The following SRSF2 variants were observed in gnomAD, a reference collection of about 807,000 sequenced individuals.
The protein encoded by SRSF2 is serine and arginine rich splicing factor 2, also known as serine/arginine-rich splicing factor 2.
In SRSF2, 4 loss-of-function variants were observed where a neutral mutation model predicts 15.7. The observed-to-expected ratio is 0.26, with a 90% CI of 0.13 to 0.58. SRSF2 has a LOEUF of 0.58. SRSF2 is among the 20% of genes least tolerant of loss of function. SRSF2 has a pLI of 0.90. For synonymous variants in SRSF2, 192 were observed against 138.9 expected (o/e 1.38, Z -2.69); for missense variants, 147 against 332.4 (o/e 0.44, Z 4.34).
intron 2 of SRSF2, chr17:76,735,416 G>T: frequency 4.5e-6 from 1 of 221,706 alleles, no homozygotes; most frequent in East Asian, 6.6e-5. Context: ...AAAAAAAAAA[G>T]GGCTGTATCC....
At position 76,736,987 on chromosome 17, in the gene SRSF2, G is replaced by A. The variant is rs779792829; in HGVS notation, c.174C>T (p.Ala58=). The A allele has an allele frequency of 8.7e-6, 14 of 1,613,450 alleles. No homozygotes were observed. Among genetic ancestry groups the A allele is most frequent in the South Asian group, 2.2e-5 (2 of 91,086 alleles). ...CGCGCTTGTCGTGAAAGCGAACGAA[G>A]GCGAAGCCGCGGGACTCCTTGGTGT... is the stretch of plus-strand genomic sequence containing the variant. ...DRYTKESRGF[A]FVRFHDKRDA... Residue 58 remains alanine, a synonymous_variant, in exon 1 of 3, where the codon GCC becomes GCT. Transcript: ENST00000359995.
chr17:76,735,719 G>T, intron 2 of SRSF2: 3 of 322,436 alleles, frequency 9.3e-6, no homozygotes, highest in Non-Finnish European at 1.8e-5. Context: ...AACAATAGTT[G>T]AACTGATTGT....
chr17:76,736,356 A>T lies in SRSF2; in HGVS notation c.471T>A (p.Ser157=), dbSNP rs775473667. ...CGGATCTGGACTTGGAGGTCGACCG[A>T]GATCGAGAACGAGTGCGGGACCGAG... is the stretch of plus-strand genomic sequence containing the variant. ...SKSRSRTRSR[S]RSTSKSRSAR... Residue 157 remains serine (S), a synonymous_variant, in exon 2 of 3, where the codon TCT becomes TCA. Transcript: ENST00000359995. The T allele has an allele frequency of 3.7e-6, 6 of 1,614,120 alleles. No homozygotes were observed. The highest frequency in any genetic ancestry group is 2.2e-5 in the South Asian group (2 of 91,070).
chr17:76,737,346 C>A (rs1031286974), upstream of SRSF2: 1 of 733,402 alleles, frequency 1.4e-6, no homozygotes, highest in South Asian at 2.3e-5. Context: ...GGGCAGCCGG[C>A]CTCTGCGCCC....
In SRSF2 at chr17:76,736,308, G is replaced by A. The variant is rs2143926653; in HGVS notation, c.519C>T (p.Ser173=). 6.2e-7 allele frequency: 1 copy of A among 1,613,960 alleles called. No individual in the cohort carries two copies. Among genetic ancestry groups the A allele is most frequent in the Non-Finnish European group, 8.5e-7 (1 of 1,179,870 alleles). ...GCGAACGAGATCTGGAGACCGACGA[G>A]GACTTGGACTTGGACCTTCGTGCGG... ...SRSARRSKSK[S]SSVSRSRSRS... Residue 173 remains serine, a synonymous_variant, in exon 2 of 3, where the codon TCC becomes TCT. Coordinates refer to ENST00000359995, the MANE Select transcript of SRSF2 (RefSeq NM_001195427.2).
chr17:76,737,213 C>A lies in SRSF2; in HGVS notation c.-53G>T. On this transcript the variant is annotated 5_prime_UTR_variant, in exon 1 of 3. Coordinates refer to ENST00000359995, the MANE Select transcript of SRSF2 (RefSeq NM_001195427.2). The stretch of plus-strand genomic sequence containing the variant: ...CGAACTGGCGCCGGCTTCCTCAGCT[C>A]TGGGCGGTGCGACGCCGCGCCTCTC... The A allele has an allele frequency of 6.8e-7, 1 of 1,479,732 alleles. No homozygotes were observed. Among genetic ancestry groups the A allele is most frequent in the Non-Finnish European group, 9.0e-7 (1 of 1,109,404 alleles). 91.7% of individuals were successfully genotyped at this position (1,479,732 alleles called of 1,614,324 possible).
chr17:76,737,404 A>T (rs1381906673), upstream of SRSF2: 6 of 483,138 alleles, frequency 1.2e-5, no homozygotes, highest in Non-Finnish European at 1.8e-5. Context: ...CCGGAAATGA[A>T]ACCTTCTGAT....
rs914394626 is a variant in SRSF2 at position 76,737,284 on chromosome 17, A to G, written c.-124T>C. ...GGGACACTGGGAAAGGCCTTGCCGC[A>G]GAACAGCACGGACGGGCTCCGCAGG... On this transcript the variant is annotated 5_prime_UTR_variant, in exon 1 of 3. Transcript: ENST00000359995. The G allele has an allele frequency of 4.1e-5, 54 of 1,332,994 alleles. No homozygotes were observed. Among genetic ancestry groups the G allele is most frequent in the Non-Finnish European group, 5.4e-5 (54 of 1,001,608 alleles). 82.6% of individuals were successfully genotyped at this position (1,332,994 alleles called of 1,614,324 possible).
chr17:76,737,183 C>A lies in SRSF2; in HGVS notation c.-23G>T, dbSNP rs750428784. The A allele has an allele frequency of 1.3e-6, 2 of 1,526,242 alleles. No individual in the cohort carries two copies. The highest frequency in any genetic ancestry group is 2.7e-5 in the African/African-American group (2 of 72,758). 94.5% of individuals were successfully genotyped at this position (1,526,242 alleles called of 1,614,324 possible). On this transcript the variant is annotated 5_prime_UTR_variant, in exon 1 of 3. Transcript: ENST00000359995. ...CATAGCTCTGAGTGGCGGCCCGGAGCCCCGCGAACTGGCGCCGGCTTCCTC... is the reference window on the plus strand; with the variant it reads ...CATAGCTCTGAGTGGCGGCCCGGAGACCCGCGAACTGGCGCCGGCTTCCTC...
At position 76,736,963 on chromosome 17, in the gene SRSF2, G is replaced by A. The variant is rs1598434003; in HGVS notation, c.198C>T (p.Arg66=). Residue 66 remains arginine (R), a synonymous_variant, in exon 1 of 3, where the codon CGC becomes CGT. Transcript: ENST00000359995. ...TGGCATCCATAGCGTCCTCAGCGTC[G>A]CGCTTGTCGTGAAAGCGAACGAAGG... The part of the protein sequence containing the change: ...GFAFVRFHDK[R]DAEDAMDAMD... 6.2e-7 allele frequency: 1 copy of A among 1,613,524 alleles called. No individual in the cohort carries two copies. Among genetic ancestry groups the A allele is most frequent in the Non-Finnish European group, 8.5e-7 (1 of 1,179,960 alleles).
rs1598421647 is a variant in SRSF2, at chr17:76,734,647, A to G, written c.*519T>C. ...CAAAAAATCAAGTCTTTTCACCTGAAAAGTCTTTATACAAATTTGGGTTCA... is the reference window on the plus strand; with the variant it reads ...CAAAAAATCAAGTCTTTTCACCTGAGAAGTCTTTATACAAATTTGGGTTCA... On this transcript the variant is annotated 3_prime_UTR_variant, in exon 3 of 3. Transcript: ENST00000359995. 1 of 229,634 alleles carries G rather than the reference A, an allele frequency of 4.4e-6. No individual in the cohort carries two copies. The highest frequency in any genetic ancestry group is 2.2e-5 in the African/African-American group (1 of 44,928). The allele number at this position is 229,634 out of a possible 1,614,324, so 14.2% of individuals were successfully genotyped here. A position where few individuals can be genotyped will look rare whatever the true frequency, so the allele number is the denominator to read the frequency against.
rs2143920577 is a variant in SRSF2 at position 76,736,165 on chromosome 17, G to A, written c.662C>T (p.Ser221Phe). Residue 221 changes from serine to phenylalanine, a missense_variant, in exon 2 of 3, where the codon TCT becomes TTT. This residue lies in a region of SRSF2 where 125 missense variants were observed against 185.1 expected (regional missense o/e 0.68). Coordinates refer to ENST00000359995, the MANE Select transcript of SRSF2 (RefSeq NM_001195427.2). ...KSPEEEGAVSS is the reference protein window; with the variant it reads ...KSPEEEGAVSF ...TTCCCAGACATTACCATTTTCTTAA[G>A]AGGACACCGCTCCTTCCTCTTCAGG... The A allele has an allele frequency of 2.5e-6, 4 of 1,600,558 alleles. No individual in the cohort carries two copies. The highest frequency in any genetic ancestry group is 2.2e-5 in the East Asian group (1 of 44,646).
In SRSF2 at chr17:76,736,474, G is replaced by C. The variant is rs1455122729; in HGVS notation, c.363-10C>G. The stretch of plus-strand genomic sequence containing the variant: ...GCGACGCCGCCTAGGGCTGCGGGCG[G>C]GACGAGCAAGCACAGCGGGGTTAAT... On this transcript the variant is annotated splice_polypyrimidine_tract_variant and intron_variant, in intron 1 of 2. Coordinates refer to ENST00000359995, the MANE Select transcript of SRSF2 (RefSeq NM_001195427.2). 4.4e-6 allele frequency: 7 copies of C among 1,608,854 alleles called. No homozygotes were observed. The highest frequency in any genetic ancestry group is 5.9e-6 in the Non-Finnish European group (7 of 1,179,808).
rs768004549 is a variant in SRSF2, at chr17:76,736,488, A to G, written c.363-24T>C. 1.9e-6 allele frequency: 3 copies of G among 1,604,228 alleles called. No homozygotes were observed. In the South Asian group the frequency reaches 3.3e-5, roughly 18 times the overall value. ...GGCTGCGGGCGGGACGAGCAAGCACAGCGGGGTTAATTCCAGGCAGCGGGG... is the reference window on the plus strand; with the variant it reads ...GGCTGCGGGCGGGACGAGCAAGCACGGCGGGGTTAATTCCAGGCAGCGGGG... On this transcript the variant is annotated intron_variant, in intron 1 of 2. Coordinates refer to ENST00000359995, the MANE Select transcript of SRSF2 (RefSeq NM_001195427.2).
chr17:76,734,648 A>G lies in SRSF2; in HGVS notation c.*518T>C. 1 of 229,626 alleles carries G rather than the reference A, an allele frequency of 4.4e-6. No homozygotes were observed. Among genetic ancestry groups the G allele is most frequent in the Admixed American group, 5.7e-5 (1 of 17,538 alleles). 14.2% of individuals were successfully genotyped at this position (229,626 alleles called of 1,614,324 possible). A position where few individuals can be genotyped will look rare whatever the true frequency, so the allele number is the denominator to read the frequency against. ...AAAAAATCAAGTCTTTTCACCTGAA[A>G]AGTCTTTATACAAATTTGGGTTCAG... On this transcript the variant is annotated 3_prime_UTR_variant, in exon 3 of 3. Coordinates refer to ENST00000359995, the MANE Select transcript of SRSF2 (RefSeq NM_001195427.2).
rs748204143 is a variant in SRSF2, at chr17:76,736,302, C to A, written c.525G>T (p.Ser175=). The A allele has an allele frequency of 8.1e-6, 13 of 1,614,028 alleles. No homozygotes were observed. The South Asian group carries it at 1.4e-4, about 18-fold the overall frequency. ...SARRSKSKSS[S]VSRSRSRSRS... ...TGGACCGCGAACGAGATCTGGAGAC[C>A]GACGAGGACTTGGACTTGGACCTTC... Residue 175 remains serine (S), a synonymous_variant, in exon 2 of 3, where the codon TCG becomes TCT. Transcript: ENST00000359995.
rs1383376190 is a variant in SRSF2, at chr17:76,737,089, G to A, written c.72C>T (p.Arg24=). 6.2e-7 allele frequency: 1 copy of A among 1,612,080 alleles called. No individual in the cohort carries two copies. The highest frequency in any genetic ancestry group is 8.5e-7 in the Non-Finnish European group (1 of 1,179,254). ...TSLKVDNLTY[R]TSPDTLRRVF... ...CGCGCCTCAGCGTGTCGGGCGAGGT[G>A]CGGTAGGTCAGGTTGTCCACCTTGA... Residue 24 remains arginine, a synonymous_variant, in exon 1 of 3, where the codon CGC becomes CGT. Transcript: ENST00000359995.
Position 76,737,002 on chromosome 17 carries a change from C to T in SRSF2, c.159G>A (p.Glu53=). ...VYIPRDRYTK[E]SRGFAFVRFH... ...AGCGAACGAAGGCGAAGCCGCGGGA[C>T]TCCTTGGTGTAGCGGTCCCGCGGGA... The change falls in exon 1 of 3, where the codon GAG becomes GAA. Residue 53 remains glutamate (E), a synonymous_variant. Coordinates refer to ENST00000359995, the MANE Select transcript of SRSF2 (RefSeq NM_001195427.2). 1.9e-6 allele frequency: 3 copies of T among 1,613,500 alleles called. No individual in the cohort carries two copies. The highest frequency in any genetic ancestry group is 2.2e-5 in the East Asian group (1 of 44,866).
In SRSF2 at chr17:76,734,684, A is replaced by T; in HGVS notation, c.*482T>A. 4.3e-6 allele frequency: 1 copy of T among 232,110 alleles called. No homozygotes were observed. The highest frequency in any genetic ancestry group is 8.9e-6 in the Non-Finnish European group (1 of 112,552). The allele number at this position is 232,110 out of a possible 1,614,324, so 14.4% of individuals were successfully genotyped here. ...CAAATTTGGGTTCAGATTACCATTT[A>T]GATCTGAAGGTAAATAACATATACA... On this transcript the variant is annotated 3_prime_UTR_variant, in exon 3 of 3. Transcript: ENST00000359995.
Sources: allele counts gnomAD v4.1 joint callset, GRCh38; gene constraint gnomAD v4.1.1; regional missense constraint gnomAD v4.1.1; transcripts MANE v1.5; gene names NCBI Gene and HGNC (gene_info 2026-07-23, HGNC 2026-07-21).